The following CUX2 variants were observed in gnomAD, a reference collection of about 807,000 sequenced individuals.
CUX2 encodes cut like homeobox 2.
Under a neutral mutation model 144.8 loss-of-function variants are expected in CUX2, and 40 were observed. The ratio of observed to expected loss-of-function variants is 0.28; its 90% CI spans 0.21 to 0.36. CUX2 has a LOEUF of 0.36. Among genes scored for constraint, CUX2 ranks in the 10% least tolerant of loss-of-function variants. The pLI is 1.00. For missense variants in CUX2, 1,615 were observed against 1,994.0 expected (o/e 0.81, Z 3.62); for synonymous variants, 827 against 875.6 (o/e 0.94, Z 0.98).
At chr12:111,124,225 C>G (rs1221554765) in intron 1 of CUX2, among the ~76,000 whole-genome samples, 1 of 152,186 alleles carries the variant, frequency 6.6e-6, no homozygotes, top group Admixed American at 6.5e-5. Context: ...GGAGAAAAGG[C>G]ATACAAATTT....
intron 1 of CUX2, among the ~76,000 whole-genome samples, chr12:111,044,572 C>T (rs1044765536): frequency 5.3e-5 from 8 of 152,242 alleles, no homozygotes; most frequent in African/African-American, 1.9e-4. Flanking sequence ...TCCTCCTTGA[C>T]TTCTCTTTCC....
intron 3 of CUX2, among the ~76,000 whole-genome samples, chr12:111,256,286 C>T (rs1188341520): frequency 6.6e-6 from 1 of 152,092 alleles, no homozygotes; most frequent in African/African-American, 2.4e-5. Context: ...TCTGCATGCC[C>T]TAAAGGAACA....
At chr12:111,206,342 A>AT (rs1880919152) in intron 1 of CUX2, among the ~76,000 whole-genome samples, 1 of 152,190 alleles carries the variant, frequency 6.6e-6, no homozygotes, top group Non-Finnish European at 1.5e-5. Flanking sequence ...AGAAAAAAAA[A>AT]GTTAAGGGCT....
chr12:111,328,618 G>A (rs1887932477), intron 18 of CUX2, among the ~76,000 whole-genome samples: 1 of 150,116 alleles, frequency 6.7e-6, no homozygotes, highest in African/African-American at 2.5e-5. Context: ...GTGTGTGTGT[G>A]TGACAGAGTC....
intron 1 of CUX2, among the ~76,000 whole-genome samples, chr12:111,108,738 C>T (rs1393972711): frequency 6.8e-6 from 1 of 147,634 alleles, no homozygotes; most frequent in East Asian, 1.9e-4. Flanking sequence ...CTCTCCTCTC[C>T]TTCACTTTCT....
At chr12:111,118,939 G>A (rs1253896823) in intron 1 of CUX2, among the ~76,000 whole-genome samples, 3 of 152,194 alleles carry the variant, frequency 2.0e-5, no homozygotes, top group East Asian at 3.9e-4. Flanking sequence ...AAAAACATGG[G>A]CTATCAAAGG....
chr12:111,228,236 T>TTCTGG lies in CUX2; in HGVS notation c.222+10300_222+10304dup, dbSNP rs549059317. ...TATAGCACAGTGGTTAGGAGTGTGGTTCTGGAACCAGACTGCCTGGGTTCA... is the reference window on the plus strand; with the variant it reads ...TATAGCACAGTGGTTAGGAGTGTGGTTCTGGTCTGGAACCAGACTGCCTGGGTTCA... On this transcript the variant is annotated intron_variant, in intron 3 of 21. Coordinates refer to ENST00000261726, the MANE Select transcript of CUX2 (RefSeq NM_015267.4). 7.0e-4 allele frequency among the ~76,000 whole-genome samples: 106 copies of TTCTGG among 152,212 alleles called. 2 individuals carry two copies. The South Asian group carries it at 0.021, about 30-fold the overall frequency.
At chr12:111,139,538 C>G (rs977008946) in intron 1 of CUX2, among the ~76,000 whole-genome samples, 1 of 152,146 alleles carries the variant, frequency 6.6e-6, no homozygotes, top group African/African-American at 2.4e-5. Flanking sequence ...TTTCCAACCC[C>G]TCAGAGGAGG....
chr12:111,107,306 C>A (rs1407260282), intron 1 of CUX2, among the ~76,000 whole-genome samples: 1 of 152,254 alleles, frequency 6.6e-6, no homozygotes, highest in African/African-American at 2.4e-5. Context: ...CTGGTGTGCA[C>A]CTGGAGTCCT....
Position 111,312,377 on chromosome 12 carries a change from G to C in CUX2, c.2002+176G>C, listed in dbSNP as rs1361716169. Among the ~76,000 whole-genome samples, 1 of 152,142 alleles carries C rather than the reference G, an allele frequency of 6.6e-6. No homozygotes were observed. The highest frequency in any genetic ancestry group is 1.5e-5 in the Non-Finnish European group (1 of 68,012). ...TAGCTGTGGCACTGCTCAGAACCCT[G>C]CCATGGTTCCACACAGCTCTCAACA... On this transcript the variant is annotated intron_variant, in intron 16 of 21. Transcript: ENST00000261726. This position sits in a 1 kb window ranked among gnomAD's most constrained non-coding sequence, Gnocchi z 4.3.
intron 1 of CUX2, among the ~76,000 whole-genome samples, chr12:111,187,324 C>G (rs1353915834): frequency 6.6e-6 from 1 of 152,194 alleles, no homozygotes; most frequent in African/African-American, 2.4e-5. Flanking sequence ...GCTGTGCCCC[C>G]TCATAACGGA....
At chr12:111,334,300 G>T in intron 18 of CUX2, 141 bp from the exon 19 acceptor site, 1 of 802,068 alleles carries the variant, frequency 1.2e-6, no homozygotes, top group Non-Finnish European at 1.9e-6. Flanking sequence ...ATCCAGGGTG[G>T]TCCCTACCTG....
chr12:111,112,121 C>T (rs1189954406), intron 1 of CUX2, among the ~76,000 whole-genome samples: 2 of 152,042 alleles, frequency 1.3e-5, no homozygotes, highest in African/African-American at 2.4e-5. Context: ...AGGTCTGTGG[C>T]CAATTGATCT....
chr12:111,249,160 C>T (rs1883427927), intron 3 of CUX2, among the ~76,000 whole-genome samples: 1 of 152,128 alleles, frequency 6.6e-6, no homozygotes. Context: ...TTGGCAAGAG[C>T]CCAGTGATCA....
Position 111,186,940 on chromosome 12 carries a change from G to A in CUX2, c.64-27260G>A, listed in dbSNP as rs2339714. The stretch of plus-strand genomic sequence containing the variant: ...ATTACAGGCACGTGCCACCATGCCT[G>A]GCTAATTTTTGTATTTTTGGTAGAG... On this transcript the variant is annotated intron_variant, in intron 1 of 21. Coordinates refer to ENST00000261726, the MANE Select transcript of CUX2 (RefSeq NM_015267.4). The surrounding 1 kb of genome is among the most constrained non-coding windows in gnomAD (Gnocchi z 4.4). Among the ~76,000 whole-genome samples the A allele has an allele frequency of 0.026, 3,883 of 152,144 alleles. 173 individuals carry two copies. The highest frequency in any genetic ancestry group is 0.088 in the African/African-American group (3,656 of 41,482).
chr12:111,048,479 G>T (rs1870105985), intron 1 of CUX2, among the ~76,000 whole-genome samples: 1 of 152,190 alleles, frequency 6.6e-6, no homozygotes, highest in Non-Finnish European at 1.5e-5. Context: ...CGTATGGCTG[G>T]TTTTCTGTGT....
chr12:111,223,317 T>C (rs1017641221), intron 3 of CUX2, among the ~76,000 whole-genome samples: 1 of 152,162 alleles, frequency 6.6e-6, no homozygotes, highest in Non-Finnish European at 1.5e-5. Flanking sequence ...AGGGAGGCCG[T>C]CGGTTCCATC....
At chr12:111,069,551 T>TGCGC (rs983788217) in intron 1 of CUX2, among the ~76,000 whole-genome samples, 3 of 146,496 alleles carry the variant, frequency 2.0e-5, no homozygotes, top group Non-Finnish European at 3.0e-5. Flanking sequence ...TGTGTGTGTG[T>TGCGC]GCGCGCGCGT....
intron 1 of CUX2, among the ~76,000 whole-genome samples, chr12:111,144,260 G>A (rs1225521827): frequency 2.6e-5 from 4 of 152,186 alleles, no homozygotes; most frequent in Non-Finnish European, 5.9e-5. Flanking sequence ...TTCCCATTGG[G>A]CATGAGAGGC....
Sources: gnomAD v4.1 joint callset for allele counts (sites outside exome capture counted in the v4.1 genomes callset) on GRCh38, gnomAD v4.1.1 for gene constraint, Gnocchi (gnomAD v3.1) non-coding constraint, MANE v1.5 for transcripts, NCBI Gene and HGNC (gene_info 2026-07-23, HGNC 2026-07-21) for gene names.